NLGN1: variants seen among roughly 807,000 people sequenced by gnomAD.
The protein encoded by NLGN1 is neuroligin-1.
Under a neutral mutation model 65.5 loss-of-function variants are expected in NLGN1, and 12 were observed. The observed-to-expected ratio is 0.18, with a 90% confidence interval of 0.12 to 0.30. NLGN1 has a LOEUF of 0.30. NLGN1 is among the 10% of genes least tolerant of loss of function. The pLI, the probability that NLGN1 is intolerant of heterozygous loss-of-function variation, is 1.00. For synonymous variants in NLGN1, 350 were observed against 359.5 expected (o/e 0.97, Z 0.30); for missense variants, 750 against 1,007.1 (o/e 0.74, Z 3.46).
At chr3:173,478,010 A>G (rs936595771) in intron 2 of NLGN1, among the ~76,000 whole-genome samples, 4 of 152,198 alleles carry the variant, frequency 2.6e-5, no homozygotes, top group Admixed American at 1.3e-4. Context: ...CCTCAAAGAT[A>G]TAGAACCAGA....
intron 3 of NLGN1, among the ~76,000 whole-genome samples, chr3:173,608,572 G>GATAC: frequency 6.6e-6 from 1 of 151,882 alleles, no homozygotes; most frequent in Non-Finnish European, 1.5e-5. Context: ...TTACAAGTAA[G>GATAC]AAGGTAGACT....
chr3:173,742,278 G>A (rs1386133352), intron 3 of NLGN1, among the ~76,000 whole-genome samples: 2 of 152,102 alleles, frequency 1.3e-5, no homozygotes, highest in Non-Finnish European at 2.9e-5. Flanking sequence ...GATGTGATTA[G>A]GAGAACTCAG....
At chr3:173,939,885 A>G (rs984587991) in intron 4 of NLGN1, among the ~76,000 whole-genome samples, 1 of 152,126 alleles carries the variant, frequency 6.6e-6, no homozygotes, top group African/African-American at 2.4e-5. Context: ...GAATGACATT[A>G]GTTTAGGATT....
At chr3:173,720,009 A>G (rs1770560600) in intron 3 of NLGN1, among the ~76,000 whole-genome samples, 1 of 152,034 alleles carries the variant, frequency 6.6e-6, no homozygotes, top group Non-Finnish European at 1.5e-5. Context: ...AGCTACTTTG[A>G]ATGTTGAGGT....
At position 173,536,479 on chromosome 3, in the gene NLGN1, T is replaced by G. The variant is rs546568959; in HGVS notation, c.-320-67800T>G. On this transcript the variant is annotated intron_variant, in intron 2 of 6. Transcript: ENST00000457714. ...TAAATAGTAAGATATTAAGGCAGTA[T>G]TCTCAGTTGTGTTTAAGGACTATCT... Among the ~76,000 whole-genome samples, 9 of 152,358 alleles carry G rather than the reference T, an allele frequency of 5.9e-5. No homozygotes were observed. In the East Asian group the frequency reaches 1.4e-3, roughly 23 times the overall value.
chr3:173,796,214 C>T (rs1158163382), intron 3 of NLGN1, among the ~76,000 whole-genome samples: 1 of 152,026 alleles, frequency 6.6e-6, no homozygotes, highest in Non-Finnish European at 1.5e-5. Flanking sequence ...ATTAGCCCTT[C>T]ATCAAAGGGA....
At chr3:173,639,126 G>A (rs1183179561) in intron 3 of NLGN1, among the ~76,000 whole-genome samples, 1 of 152,108 alleles carries the variant, frequency 6.6e-6, no homozygotes, top group Non-Finnish European at 1.5e-5. Context: ...ATTTCACTAT[G>A]TTTGCTTCCT....
intron 4 of NLGN1, among the ~76,000 whole-genome samples, chr3:174,163,758 T>C (rs1727004780): frequency 6.6e-6 from 1 of 152,064 alleles, no homozygotes; most frequent in African/African-American, 2.4e-5. Flanking sequence ...GCAAAGGAAA[T>C]GATTTTGTTC....
chr3:173,960,287 T>A (rs987737089), intron 4 of NLGN1, among the ~76,000 whole-genome samples: 2 of 152,194 alleles, frequency 1.3e-5, no homozygotes, highest in African/African-American at 4.8e-5. Flanking sequence ...TTTGTAGGGT[T>A]TTTTTGCTTA....
intron 3 of NLGN1, among the ~76,000 whole-genome samples, chr3:173,690,785 C>T (rs188128944): frequency 2.0e-5 from 3 of 152,158 alleles, no homozygotes; most frequent in Non-Finnish European, 2.9e-5. Context: ...ATAAAAAGTG[C>T]AAGATACATA....
At chr3:174,135,744 A>T (rs549148252) in intron 4 of NLGN1, among the ~76,000 whole-genome samples, 1 of 152,282 alleles carries the variant, frequency 6.6e-6, no homozygotes, top group Admixed American at 6.5e-5. Flanking sequence ...ATAAAAATTG[A>T]ATTTTATATA....
At chr3:173,608,156 T>G (rs891238720) in intron 3 of NLGN1, among the ~76,000 whole-genome samples, 3 of 151,912 alleles carry the variant, frequency 2.0e-5, no homozygotes, top group Non-Finnish European at 4.4e-5. Flanking sequence ...TCTATAATTT[T>G]TAAATAGAGC....
At chr3:173,964,608 A>G (rs1467930441) in intron 4 of NLGN1, among the ~76,000 whole-genome samples, 2 of 152,180 alleles carry the variant, frequency 1.3e-5, no homozygotes, top group African/African-American at 2.4e-5. Context: ...AAGGCTAGAA[A>G]AACTAATTTT....
intron 4 of NLGN1, among the ~76,000 whole-genome samples, chr3:173,998,595 A>T (rs1722709825): frequency 6.6e-6 from 1 of 152,210 alleles, no homozygotes; most frequent in Non-Finnish European, 1.5e-5. Flanking sequence ...CCTAGAATTC[A>T]GTTGTTTCAG....
At chr3:173,525,259 T>A (rs1010734863) in intron 2 of NLGN1, among the ~76,000 whole-genome samples, 1 of 151,080 alleles carries the variant, frequency 6.6e-6, no homozygotes, top group African/African-American at 2.5e-5. Flanking sequence ...TTGTTGTTGT[T>A]GTTGGAAGAT....
intron 2 of NLGN1, among the ~76,000 whole-genome samples, chr3:173,542,209 C>G (rs946870473): frequency 6.6e-5 from 10 of 151,908 alleles, no homozygotes; most frequent in African/African-American, 2.4e-4. Context: ...TTTCCCCTTT[C>G]TAAGAGCCCT....
Position 174,279,181 on chromosome 3 carries a change from A to C in NLGN1, c.1180A>C (p.Lys394Gln). The stretch of plus-strand genomic sequence containing the variant: ...AGGAGTGAACCAAGGGGAAGGGTTA[A>C]AATTTGTTGAAAATATAGTAGATAG... Residue 394 changes from lysine to glutamine, a missense_variant, in exon 6 of 7, where the codon AAA becomes CAA. Lys to Gln is a moderately conservative substitution (Grantham distance 53, BLOSUM62 1). Coordinates refer to ENST00000457714, the Ensembl canonical transcript of NLGN1. This position sits in a 1 kb window ranked among gnomAD's most constrained non-coding sequence, Gnocchi z 4.7. The C allele has an allele frequency of 6.2e-7, 1 of 1,613,404 alleles. No homozygotes were observed. Among genetic ancestry groups the C allele is most frequent in the Non-Finnish European group, 8.5e-7 (1 of 1,179,564 alleles).
intron 2 of NLGN1, among the ~76,000 whole-genome samples, chr3:173,552,675 G>T (rs1003850878): frequency 3.3e-5 from 5 of 152,086 alleles, no homozygotes; most frequent in African/African-American, 1.2e-4. Flanking sequence ...TTTCACACAG[G>T]AAGAGGAGGA....
At chr3:173,708,000 G>A (rs1768315525) in intron 3 of NLGN1, among the ~76,000 whole-genome samples, 1 of 152,112 alleles carries the variant, frequency 6.6e-6, no homozygotes, top group Admixed American at 6.5e-5. Context: ...AGGTGACAAA[G>A]CACAATTTTA....
Sources: gnomAD v4.1 joint callset for allele counts (sites outside exome capture counted in the v4.1 genomes callset) on GRCh38, gnomAD v4.1.1 for gene constraint, Gnocchi (gnomAD v3.1) non-coding constraint, MANE v1.5 for transcripts, NCBI Gene and HGNC (gene_info 2026-07-23, HGNC 2026-07-21) for gene names.